Variants in GRIK4 observed in about 807,000 individuals in gnomAD.
GRIK4 encodes the protein glutamate ionotropic receptor kainate type subunit 4, also known as glutamate receptor ionotropic, kainate 4.
A neutral mutation model predicts 104.9 loss-of-function variants in GRIK4; 40 were observed. The observed-to-expected ratio is 0.38, with a 90% CI of 0.30 to 0.50. The LOEUF (loss-of-function observed/expected upper bound fraction) is 0.50. Among genes scored for constraint, GRIK4 ranks in the 20% least tolerant of loss-of-function variants. The probability of loss-of-function intolerance (pLI) is 0.93; values close to 1 mark genes in which losing one functional copy is unlikely to be tolerated. For synonymous variants in GRIK4, 485 were observed against 524.9 expected, an observed-to-expected ratio of 0.92 and a Z score of 1.04; for missense variants, 1,047 against 1,308.1, an observed-to-expected ratio of 0.80 and a Z score of 3.08.
intron 1 of GRIK4, among the ~76,000 whole-genome samples, chr11:120,573,353 G>A (rs1948428173): frequency 6.6e-6 from 1 of 152,212 alleles, no homozygotes; most frequent in South Asian, 2.1e-4. Flanking sequence ...GCTTCCAAGA[G>A]CTGGGCCATG....
At chr11:120,977,168 G>A (rs767323405) in intron 19 of GRIK4, among the ~76,000 whole-genome samples, 1 of 152,200 alleles carries the variant, frequency 6.6e-6, no homozygotes, top group African/African-American at 2.4e-5. Context: ...TGTGGGGAGA[G>A]CGTGATTCTA....
At position 120,940,315 on chromosome 11, in the gene GRIK4, C is replaced by A; in HGVS notation, c.1477-32C>A. On this transcript the variant is annotated intron_variant, in intron 13 of 20. Coordinates refer to ENST00000527524, the MANE Select transcript of GRIK4 (RefSeq NM_014619.5). The surrounding 1 kb of genome is among the most constrained non-coding windows in gnomAD (Gnocchi z 4.3). ...CTCTGTGCCTCTTCTCCTATGGCCA[C>A]CCCACTGACGGGCTGTCTCTGTTCT... 7.2e-7 allele frequency: 1 copy of A among 1,380,648 alleles called. No homozygotes were observed. Among genetic ancestry groups the A allele is most frequent in the Non-Finnish European group, 1.0e-6 (1 of 972,266 alleles). The allele number at this position is 1,380,648 out of a possible 1,614,324, so 85.5% of individuals were successfully genotyped here.
chr11:120,977,888 C>T (rs1042616919), intron 19 of GRIK4, among the ~76,000 whole-genome samples: 1 of 152,190 alleles, frequency 6.6e-6, no homozygotes, highest in African/African-American at 2.4e-5. Context: ...GTGAATTGCT[C>T]ATGTCAATAT....
At chr11:120,562,945 G>A (rs940092030) in intron 1 of GRIK4, among the ~76,000 whole-genome samples, 4 of 152,196 alleles carry the variant, frequency 2.6e-5, no homozygotes, top group Non-Finnish European at 4.4e-5. Flanking sequence ...GTGGCAGTGG[G>A]GGACCCTATT....
chr11:120,798,208 G>A (rs370902391), intron 3 of GRIK4, among the ~76,000 whole-genome samples: 1 of 118,640 alleles, frequency 8.4e-6, no homozygotes, highest in Non-Finnish European at 1.6e-5. Context: ...CCCTGTTGTC[G>A]CCTAGGCTGG....
chr11:120,788,401 C>G (rs1187904876), intron 3 of GRIK4, among the ~76,000 whole-genome samples: 2 of 152,134 alleles, frequency 1.3e-5, no homozygotes, highest in Non-Finnish European at 2.9e-5. Flanking sequence ...CCAAAAAGGC[C>G]AGGAACATCC....
intron 8 of GRIK4, among the ~76,000 whole-genome samples, chr11:120,849,552 AGTACCAGCAAT>A (rs1183723111): frequency 1.3e-5 from 2 of 152,176 alleles, no homozygotes; most frequent in Admixed American, 1.3e-4. Context: ...CTGGCTCTTG[AGTACCAGCAAT>A]GTACCAGATG....
chr11:120,950,454 T>C (rs1379820794), intron 14 of GRIK4, among the ~76,000 whole-genome samples: 3 of 152,210 alleles, frequency 2.0e-5, no homozygotes, highest in Non-Finnish European at 4.4e-5. Flanking sequence ...AGGTATAGAT[T>C]TCTGACATTG....
Position 120,898,119 on chromosome 11 carries a change from G to C in GRIK4, c.1165-413G>C. ...TTATCAAAGGGCATAGTTCTCTCCA[G>C]TATAGCCTTCTGGTTCTTATTTTGA... On this transcript the variant is annotated intron_variant, in intron 11 of 20. Transcript: ENST00000527524. 2.6e-5 allele frequency among the ~76,000 whole-genome samples: 4 copies of C among 152,288 alleles called. No individual in the cohort carries two copies. In the South Asian group the frequency reaches 8.3e-4, roughly 32 times the overall value.
intron 19 of GRIK4, among the ~76,000 whole-genome samples, chr11:120,973,053 C>T (rs746281367): frequency 8.6e-5 from 13 of 152,022 alleles, no homozygotes; most frequent in South Asian, 2.1e-4. Context: ...AAATACATCC[C>T]GGGAAGAAGA....
chr11:120,699,987 C>G (rs1950524790), intron 3 of GRIK4, among the ~76,000 whole-genome samples: 1 of 152,130 alleles, frequency 6.6e-6, no homozygotes, highest in Non-Finnish European at 1.5e-5. Flanking sequence ...AAAGTAAGGC[C>G]ATGATTGGAC....
chr11:120,973,890 C>A (rs998392623), intron 19 of GRIK4, among the ~76,000 whole-genome samples: 1 of 146,496 alleles, frequency 6.8e-6, no homozygotes, highest in African/African-American at 2.6e-5. Context: ...CCAACATGAC[C>A]CAAAGATCTC....
intron 3 of GRIK4, among the ~76,000 whole-genome samples, chr11:120,739,161 C>G (rs1381680125): frequency 6.6e-6 from 1 of 152,210 alleles, no homozygotes; most frequent in East Asian, 1.9e-4. Context: ...CTGCCCTGCC[C>G]ATGGGCAGAG....
intron 11 of GRIK4, among the ~76,000 whole-genome samples, chr11:120,875,962 T>A (rs1486632577): frequency 6.6e-6 from 1 of 152,036 alleles, no homozygotes; most frequent in Admixed American, 6.6e-5. Flanking sequence ...TTCTGCAGCC[T>A]TAGAAAAGGC....
intron 11 of GRIK4, among the ~76,000 whole-genome samples, chr11:120,889,604 T>TTTTTTTTG (rs1955221950): frequency 7.2e-6 from 1 of 138,056 alleles, no homozygotes; most frequent in Non-Finnish European, 1.6e-5. Flanking sequence ...TTTTTTTTTT[T>TTTTTTTTG]TTTTTTTTTT....
In GRIK4 at chr11:120,851,418, C is replaced by A. The variant is rs963761940; in HGVS notation, c.745-10541C>A. On this transcript the variant is annotated intron_variant, in intron 8 of 20. Transcript: ENST00000527524. Reference sequence around the variant, plus strand: ...CAGGTCTCAACTTGCAGTCAGCTCTCAGCTCAGGAATATCAGCAGCAATTC... The same window carrying A: ...CAGGTCTCAACTTGCAGTCAGCTCTAAGCTCAGGAATATCAGCAGCAATTC... Among the ~76,000 whole-genome samples, 11 of 152,322 alleles carry A rather than the reference C, an allele frequency of 7.2e-5. No homozygotes were observed. In the South Asian group the frequency reaches 8.3e-4, roughly 11 times the overall value.
At chr11:120,717,263 TG>T (rs1950851388) in intron 3 of GRIK4, among the ~76,000 whole-genome samples, 1 of 152,164 alleles carries the variant, frequency 6.6e-6, no homozygotes, top group South Asian at 2.1e-4. Flanking sequence ...TGCACACACC[TG>T]GGTGGTGGGC....
intron 1 of GRIK4, among the ~76,000 whole-genome samples, chr11:120,516,574 G>T (rs960671532): frequency 6.6e-6 from 1 of 152,090 alleles, no homozygotes; most frequent in East Asian, 1.9e-4. Context: ...CAGCAGGCTC[G>T]GGGGAGCCGG....
chr11:120,731,276 A>G (rs1231117921), intron 3 of GRIK4, among the ~76,000 whole-genome samples: 1 of 149,628 alleles, frequency 6.7e-6, no homozygotes, highest in Non-Finnish European at 1.5e-5. Flanking sequence ...TTTTTTAATC[A>G]TGAAAGGATG....
Sources: gnomAD v4.1 joint callset for allele counts (sites outside exome capture counted in the v4.1 genomes callset) on GRCh38, gnomAD v4.1.1 for gene constraint, Gnocchi (gnomAD v3.1) non-coding constraint, MANE v1.5 for transcripts, NCBI Gene and HGNC (gene_info 2026-07-23, HGNC 2026-07-21) for gene names.